Variants in ERC2 observed in about 807,000 individuals in gnomAD.
ERC2 encodes ELKS/RAB6-interacting/CAST family member 2, also known as ERC protein 2.
Under a neutral mutation model 114.8 loss-of-function variants are expected in ERC2, and 42 were observed. The observed-to-expected ratio is 0.37, with a 90% CI of 0.29 to 0.47. The LOEUF (loss-of-function observed/expected upper bound fraction) is 0.47. Among genes scored for constraint, ERC2 ranks in the 20% least tolerant of loss-of-function variants. ERC2 has a pLI of 0.99. For synonymous variants in ERC2, 454 were observed against 425.5 expected (o/e 1.07, Z -0.82); for missense variants, 939 against 1,150.7 (o/e 0.82, Z 2.66).
chr3:55,855,231 C>T (rs1027573542), intron 14 of ERC2, among the ~76,000 whole-genome samples: 11 of 152,242 alleles, frequency 7.2e-5, no homozygotes, highest in African/African-American at 1.4e-4. Flanking sequence ...CTGAAATCTG[C>T]GATCCTGAGC....
At chr3:56,049,225 T>G (rs1165618889) in intron 7 of ERC2, among the ~76,000 whole-genome samples, 2 of 151,926 alleles carry the variant, frequency 1.3e-5, no homozygotes, top group Admixed American at 1.3e-4. Context: ...CTGCTGGGGG[T>G]GAGCGCATGC....
chr3:56,016,303 T>C (rs1352482792), intron 8 of ERC2, among the ~76,000 whole-genome samples: 1 of 152,122 alleles, frequency 6.6e-6, no homozygotes, highest in East Asian at 1.9e-4. Context: ...CTGAAGGGTA[T>C]TGCCTAGATT....
intron 3 of ERC2, among the ~76,000 whole-genome samples, chr3:56,209,609 G>A (rs1008135205): frequency 1.1e-4 from 17 of 152,248 alleles, no homozygotes; most frequent in Non-Finnish European, 2.2e-4. Context: ...TTTGTTCCTC[G>A]TTCAAAGGGA....
intron 17 of ERC2, among the ~76,000 whole-genome samples, chr3:55,516,613 G>A (rs1476666137): frequency 6.6e-6 from 1 of 152,320 alleles, no homozygotes; most frequent in East Asian, 1.9e-4. Context: ...GACGGAGTTT[G>A]CTGGGAGGAG....
At chr3:55,900,359 A>G (rs1272702434) in intron 13 of ERC2, among the ~76,000 whole-genome samples, 2 of 152,198 alleles carry the variant, frequency 1.3e-5, no homozygotes, top group African/African-American at 4.8e-5. Flanking sequence ...GTGAGGCCCT[A>G]GAAAATCAAA....
At chr3:55,567,926 C>T (rs1387491992) in intron 17 of ERC2, among the ~76,000 whole-genome samples, 2 of 152,172 alleles carry the variant, frequency 1.3e-5, no homozygotes, top group Non-Finnish European at 2.9e-5. Context: ...CTGGTGATGG[C>T]TTCCCTCTTT....
chr3:55,994,411 T>C (rs540557686), intron 10 of ERC2, among the ~76,000 whole-genome samples: 1 of 152,216 alleles, frequency 6.6e-6, no homozygotes, highest in Admixed American at 6.5e-5. Context: ...GGATTACTAG[T>C]TGCAAGACCA....
intron 4 of ERC2, among the ~76,000 whole-genome samples, chr3:56,164,341 TA>T (rs2082212358): frequency 6.6e-6 from 1 of 152,082 alleles, no homozygotes; most frequent in Non-Finnish European, 1.5e-5. Flanking sequence ...AATAGTATCA[TA>T]TAATATGTGG....
intron 7 of ERC2, among the ~76,000 whole-genome samples, chr3:56,026,967 C>A (rs2074093885): frequency 6.6e-6 from 1 of 152,230 alleles, no homozygotes; most frequent in South Asian, 2.1e-4. Context: ...ACAAATCCCT[C>A]CTGCCTCTGT....
chr3:56,341,077 T>A (rs2058072242), intron 2 of ERC2, among the ~76,000 whole-genome samples: 1 of 152,216 alleles, frequency 6.6e-6, no homozygotes, highest in Non-Finnish European at 1.5e-5. Flanking sequence ...TGAGCTTAGA[T>A]GAGTCGGTGT....
intron 12 of ERC2, among the ~76,000 whole-genome samples, chr3:55,970,794 AG>A (rs2069101216): frequency 6.6e-6 from 1 of 152,208 alleles, no homozygotes; most frequent in African/African-American, 2.4e-5. Context: ...TTCCTCAACA[AG>A]CTAAACATAG....
At chr3:56,398,719 C>A (rs1426291250) in intron 2 of ERC2, among the ~76,000 whole-genome samples, 2 of 152,084 alleles carry the variant, frequency 1.3e-5, no homozygotes, top group Non-Finnish European at 2.9e-5. Flanking sequence ...CTCCTGTGCT[C>A]AAGCAATCCC....
At chr3:56,214,193 C>A (rs2049284656) in intron 3 of ERC2, among the ~76,000 whole-genome samples, 1 of 152,148 alleles carries the variant, frequency 6.6e-6, no homozygotes, top group African/African-American at 2.4e-5. Context: ...TCAAACTTCT[C>A]CGAGCTAAAG....
intron 14 of ERC2, among the ~76,000 whole-genome samples, chr3:55,829,769 C>T (rs1444319571): frequency 3.3e-5 from 5 of 152,298 alleles, no homozygotes; most frequent in Non-Finnish European, 2.9e-5. Context: ...AAGTGATCCT[C>T]CTGCCTCAGC....
At chr3:56,185,909 G>T (rs1208539411) in intron 3 of ERC2, among the ~76,000 whole-genome samples, 1 of 151,924 alleles carries the variant, frequency 6.6e-6, no homozygotes, top group Admixed American at 6.6e-5. Flanking sequence ...GAGATTCTCA[G>T]TGTGAGAAGG....
At chr3:56,391,589 AAT>A (rs1317663121) in intron 2 of ERC2, among the ~76,000 whole-genome samples, 1 of 152,174 alleles carries the variant, frequency 6.6e-6, no homozygotes, top group African/African-American at 2.4e-5. Context: ...TAGCAACTCA[AAT>A]AAGTAGGTGA....
intron 1 of ERC2, among the ~76,000 whole-genome samples, chr3:56,439,181 CCTG>C (rs2062170986): frequency 6.6e-6 from 1 of 152,146 alleles, no homozygotes; most frequent in African/African-American, 2.4e-5. Context: ...AATGTTGACT[CCTG>C]CTGTAATGCT....
At chr3:55,799,450 C>CATATATATATGCCTTATATGTATGCAT (rs1559674616) in intron 14 of ERC2, among the ~76,000 whole-genome samples, 3 of 106,196 alleles carry the variant, frequency 2.8e-5, no homozygotes, top group East Asian at 5.4e-4. Context: ...TATATATATG[C>CATATATATATGCCTTATATGTATGCAT]ATATATATAT....
At chr3:55,786,827 T>C (rs1427691577) in intron 14 of ERC2, among the ~76,000 whole-genome samples, 1 of 152,080 alleles carries the variant, frequency 6.6e-6, no homozygotes, top group African/African-American at 2.4e-5. Context: ...AGGACAATGA[T>C]AGCATCTCCC....
Sources: allele counts gnomAD v4.1 joint callset (sites outside exome capture counted in the v4.1 genomes callset), GRCh38; gene constraint gnomAD v4.1.1; transcripts MANE v1.5; gene names NCBI Gene and HGNC (gene_info 2026-07-23, HGNC 2026-07-21).